Variants in MTRF1L observed in about 807,000 individuals in gnomAD.
MTRF1L encodes mitochondrial translation release factor 1 like.
A neutral mutation model predicts 40.0 loss-of-function variants in MTRF1L; 29 were observed. The ratio of observed to expected loss-of-function variants is 0.73; its 90% confidence interval spans 0.54 to 0.99. MTRF1L has a LOEUF of 0.99. Among genes scored for constraint, MTRF1L ranks in the 50% least tolerant of loss-of-function variants. MTRF1L has a pLI of 0.00. For missense variants in MTRF1L, 412 were observed against 464.5 expected, an observed-to-expected ratio of 0.89 and a Z score of 1.04; for synonymous variants, 150 against 175.8, an observed-to-expected ratio of 0.85 and a Z score of 1.16.
chr6:152,991,167 T>C lies in MTRF1L; in HGVS notation c.942+18A>G. 2 of 1,452,080 alleles carry C rather than the reference T, an allele frequency of 1.4e-6. No individual in the cohort carries two copies. The highest frequency in any genetic ancestry group is 1.8e-6 in the Non-Finnish European group (2 of 1,085,844). 89.9% of individuals were successfully genotyped at this position (1,452,080 alleles called of 1,614,324 possible). A position where few individuals can be genotyped will look rare whatever the true frequency, so the allele number is the denominator to read the frequency against. ...ATATTTCTATCCTTTAAAAGCATTT[T>C]TAAAATTCTTTTTTTACCTGAATTT... On this transcript the variant is annotated intron_variant, in intron 6 of 6. Transcript: ENST00000367233.
intron 5 of MTRF1L, 44 bp from the exon 6 acceptor site, chr6:152,991,365 T>C: frequency 6.6e-7 from 1 of 1,515,364 alleles, no homozygotes; most frequent in Non-Finnish European, 8.9e-7. Context: ...TAAAAAAATC[T>C]TCTTTACTTA....
intron 2 of MTRF1L, 33 bp downstream of exon 2, chr6:152,998,515 GCA>G (rs751338432): frequency 6.9e-7 from 1 of 1,454,826 alleles, no homozygotes; most frequent in East Asian, 2.5e-5. Context: ...CCTAAGAATA[GCA>G]CAAATGCTTT....
intron 2 of MTRF1L, among the ~76,000 whole-genome samples, chr6:152,996,396 ATT>A (rs1438792016): frequency 1.3e-5 from 2 of 152,192 alleles, no homozygotes; most frequent in Non-Finnish European, 2.9e-5. Context: ...GAACAGAAAC[ATT>A]TAATACACAT....
intron 3 of MTRF1L, 199 bp downstream of exon 3, chr6:152,994,937 G>T: frequency 1.4e-6 from 1 of 706,838 alleles, no homozygotes; most frequent in South Asian, 2.0e-5. Context: ...GCAATTTGAT[G>T]GTTAGTATTA....
At chr6:152,995,375 A>G in intron 2 of MTRF1L, 56 bp from the exon 3 acceptor site, 1 of 1,375,174 alleles carries the variant, frequency 7.3e-7, no homozygotes, top group Non-Finnish European at 9.8e-7. Flanking sequence ...TTTATCAAAA[A>G]ATAAAAAGCT....
chr6:152,990,297 A>G (rs1156754539), intron 6 of MTRF1L: 1 of 781,564 alleles, frequency 1.3e-6, no homozygotes, highest in African/African-American at 1.7e-5. Flanking sequence ...TTAATATCTG[A>G]ATCCTGCCTC....
chr6:153,000,065 A>G (rs1401974669), intron 1 of MTRF1L, among the ~76,000 whole-genome samples: 2 of 152,210 alleles, frequency 1.3e-5, no homozygotes, highest in Non-Finnish European at 2.9e-5. Flanking sequence ...AGAATGGAAA[A>G]TGTGTTAGGA....
rs565104713 is a variant in MTRF1L at position 153,002,287 on chromosome 6, G to A, written c.259+140C>T. On this transcript the variant is annotated intron_variant, in intron 1 of 6. Transcript: ENST00000367233. ...AGAGGATGGGATCACAGCACGTAAT[G>A]ATGTCCTGACCTCTGATCCAAAATA... 5.5e-6 allele frequency: 7 copies of A among 1,275,042 alleles called. No individual in the cohort carries two copies. The African/African-American group carries it at 1.0e-4, about 19-fold the overall frequency. The allele number at this position is 1,275,042 out of a possible 1,614,324, so 79.0% of individuals were successfully genotyped here.
intron 6 of MTRF1L, 97 bp from the exon 7 acceptor site, chr6:152,990,192 A>T (rs558410119): frequency 7.5e-6 from 11 of 1,472,100 alleles, no homozygotes; most frequent in Non-Finnish European, 9.1e-6. Context: ...GATTTATAAC[A>T]TGAATCAAAT....
At position 153,002,695 on chromosome 6, in the gene MTRF1L, G is replaced by C. The variant is rs779597293; in HGVS notation, c.-10C>G. 83 of 1,472,946 alleles carry C rather than the reference G, an allele frequency of 5.6e-5. No individual in the cohort carries two copies. Among genetic ancestry groups the C allele is most frequent in the Non-Finnish European group, 2.1e-5 (23 of 1,117,244 alleles). 91.2% of individuals were successfully genotyped at this position (1,472,946 alleles called of 1,614,324 possible). A position where few individuals can be genotyped will look rare whatever the true frequency, so the allele number is the denominator to read the frequency against. On this transcript the variant is annotated 5_prime_UTR_variant, in exon 1 of 7. Coordinates refer to ENST00000367233, the MANE Select transcript of MTRF1L (RefSeq NM_019041.7). Reference sequence around the variant, plus strand: ...GAACCCGGGACCGCATCCTTAGTCCGAGATCGCGGACCCTGACCGGAACCG... The same window carrying C: ...GAACCCGGGACCGCATCCTTAGTCCCAGATCGCGGACCCTGACCGGAACCG...
At chr6:152,994,713 T>C in intron 3 of MTRF1L, 37 bp from the exon 4 acceptor site, 1 of 1,609,778 alleles carries the variant, frequency 6.2e-7, no homozygotes, top group East Asian at 2.2e-5. Context: ...TTTTTATTAT[T>C]CCTGCCATTT....
intron 5 of MTRF1L, 199 bp from the exon 6 acceptor site, chr6:152,991,520 A>C (rs1279294513): frequency 4.3e-6 from 2 of 459,772 alleles, no homozygotes; most frequent in Non-Finnish European, 7.3e-6. Flanking sequence ...GTTTTGAGCA[A>C]TAGCACAAAT....
chr6:152,991,252 C>T lies in MTRF1L; in HGVS notation c.875G>A (p.Arg292His), dbSNP rs772144836. The change falls in exon 6 of 7, where the codon CGT (arginine) becomes CAT (histidine). Residue 292 changes from arginine (R) to histidine (H), a missense_variant. Arg to His is a conservative substitution (Grantham distance 29). Transcript: ENST00000367233. ...KNKELAMTKL[R>H]AKLYSMHLEE... ...TAGATGCATGCTGTACAGTTTTGCA[C>T]GTAACTTTGTCATAGCCAGCTCTTT... The T allele has an allele frequency of 1.8e-5, 29 of 1,599,140 alleles. No individual in the cohort carries two copies. Among genetic ancestry groups the T allele is most frequent in the African/African-American group, 4.0e-5 (3 of 74,294 alleles).
intron 4 of MTRF1L, among the ~76,000 whole-genome samples, 155 bp downstream of exon 4, chr6:152,994,358 T>C (rs1584098061): frequency 1.3e-5 from 2 of 152,204 alleles, no homozygotes; most frequent in East Asian, 3.9e-4. Flanking sequence ...TTTTTAGCAT[T>C]ATAAAATTAT....
At position 153,002,485 on chromosome 6, in the gene MTRF1L, C is replaced by T. The variant is rs545275868; in HGVS notation, c.201G>A (p.Val67=). 2.8e-5 allele frequency: 45 copies of T among 1,613,756 alleles called. No individual in the cohort carries two copies. The East Asian group carries it at 8.7e-4, about 31-fold the overall frequency. The change falls in exon 1 of 7, where the codon GTG becomes GTA. Residue 67 remains valine (V), a synonymous_variant. Transcript: ENST00000367233. ...LKVRRPELLA[V]IKLLNEKERE... ...GCTCCTTCTCGTTCAGCAGTTTGAT[C>T]ACCGCCAGCAACTCGGGCCTCCTGA...
intron 1 of MTRF1L, among the ~76,000 whole-genome samples, chr6:153,000,569 TTTGCCTATAAA>T (rs1778877198): frequency 6.6e-6 from 1 of 152,222 alleles, no homozygotes; most frequent in African/African-American, 2.4e-5. Flanking sequence ...TGCCTTCCCC[TTTGCCTATAAA>T]GATGTTTATG....
intron 4 of MTRF1L, among the ~76,000 whole-genome samples, chr6:152,994,026 G>C (rs1340304540): frequency 2.6e-5 from 4 of 152,120 alleles, no homozygotes; most frequent in African/African-American, 9.7e-5. Context: ...CCTACACTAA[G>C]TTATCTTAAA....
Position 152,994,496 on chromosome 6 carries a change from A to T in MTRF1L, c.687+17T>A. 1 of 1,591,360 alleles carries T rather than the reference A, an allele frequency of 6.3e-7. No homozygotes were observed. Among genetic ancestry groups the T allele is most frequent in the Non-Finnish European group, 8.6e-7 (1 of 1,169,474 alleles). ...GTGCTAGGCCCGGGATTCCAAGGAG[A>T]GGGGCTTATGCCTTACCTCAGTAGG... On this transcript the variant is annotated intron_variant, in intron 4 of 6. Coordinates refer to ENST00000367233, the MANE Select transcript of MTRF1L (RefSeq NM_019041.7).
chr6:152,997,859 G>A (rs1562303142), intron 2 of MTRF1L, among the ~76,000 whole-genome samples: 1 of 151,424 alleles, frequency 6.6e-6, no homozygotes, highest in Non-Finnish European at 1.5e-5. Context: ...CCTTTTTTTT[G>A]TTTCCTGATC....
Sources: gnomAD v4.1 joint callset for allele counts (sites outside exome capture counted in the v4.1 genomes callset) on GRCh38, gnomAD v4.1.1 for gene constraint, MANE v1.5 for transcripts, NCBI Gene and HGNC (gene_info 2026-07-23, HGNC 2026-07-21) for gene names.